EPHX4: variants seen among roughly 807,000 people sequenced by gnomAD.
The protein encoded by EPHX4 is abhydrolase domain containing 7.
Under a neutral mutation model 44.9 loss-of-function variants are expected in EPHX4, and 31 were observed. That is an observed-to-expected ratio of 0.69 (90% CI 0.52 to 0.93). The LOEUF is 0.93. EPHX4 is among the 40% of genes least tolerant of loss of function. The probability of loss-of-function intolerance (pLI) is 0.00; values close to 1 mark genes in which losing one functional copy is unlikely to be tolerated. For synonymous variants in EPHX4, 151 were observed against 159.7 expected (o/e 0.95, Z 0.41); for missense variants, 373 against 438.1 (o/e 0.85, Z 1.33).
chr1:92,056,649 T>C (rs1041034451), intron 6 of EPHX4, among the ~76,000 whole-genome samples: 38 of 151,602 alleles, frequency 2.5e-4, no homozygotes, highest in African/African-American at 6.1e-4. Context: ...TCTTTTCTTT[T>C]TTTTTTTTTT....
intron 2 of EPHX4, among the ~76,000 whole-genome samples, chr1:92,040,586 A>C (rs1482524718): frequency 4.6e-5 from 7 of 152,082 alleles, no homozygotes; most frequent in African/African-American, 1.7e-4. Flanking sequence ...CGGCCTCCCA[A>C]AGTGCTGGCA....
intron 6 of EPHX4, 102 bp downstream of exon 6, chr1:92,052,760 C>T: frequency 1.9e-6 from 2 of 1,046,656 alleles, no homozygotes; most frequent in Non-Finnish European, 2.6e-6. Flanking sequence ...TCCAAAGACT[C>T]AAATAAGGTA....
At chr1:92,034,598 A>G (rs1462312592) in intron 2 of EPHX4, among the ~76,000 whole-genome samples, 1 of 151,336 alleles carries the variant, frequency 6.6e-6, no homozygotes, top group Non-Finnish European at 1.5e-5. Flanking sequence ...CAAAATCCTG[A>G]TTTAAAATGC....
Position 92,045,529 on chromosome 1 carries a change from C to T in EPHX4, c.476-3C>T, listed in dbSNP as rs199721783. The T allele has an allele frequency of 4.2e-5, 67 of 1,613,120 alleles. No homozygotes were observed. In the East Asian group the frequency reaches 9.1e-4, roughly 22 times the overall value. On this transcript the variant is annotated splice_region_variant and splice_polypyrimidine_tract_variant and intron_variant, in intron 3 of 6. Transcript: ENST00000370383. ...GATGTCAACATTTATTTCTTGTTTA[C>T]AGGGTATAGCAAATGTGTTCTTATT...
intron 6 of EPHX4, among the ~76,000 whole-genome samples, chr1:92,053,594 T>C (rs1411758751): frequency 6.6e-6 from 1 of 152,152 alleles, no homozygotes; most frequent in Non-Finnish European, 1.5e-5. Flanking sequence ...CTTTAACAAC[T>C]AGTCTGAAAA....
In EPHX4 at chr1:92,063,072, A is replaced by G. The variant is rs544344614; in HGVS notation, c.875A>G (p.His292Arg). The G allele has an allele frequency of 2.2e-5, 35 of 1,610,504 alleles. No individual in the cohort carries two copies. In the South Asian group the frequency reaches 3.1e-4, roughly 14 times the overall value. Residue 292 changes from histidine to arginine, a missense_variant, in exon 7 of 7, where the codon CAT (histidine) becomes CGT (arginine). Transcript: ENST00000370383. ...RNIFSCLPLK[H>R]HMVTTPTLLL... Reference sequence around the variant, plus strand: ...TTTTATAGCTGCCTGCCTCTCAAACATCACATGGTGACCACTCCAACACTA... The same window carrying G: ...TTTTATAGCTGCCTGCCTCTCAAACGTCACATGGTGACCACTCCAACACTA...
rs150630636 is a variant in EPHX4, at chr1:92,058,398, G to A, written c.858-4657G>A. On this transcript the variant is annotated intron_variant, in intron 6 of 6. Coordinates refer to ENST00000370383, the MANE Select transcript of EPHX4 (RefSeq NM_173567.5). ...GGAGGTTGTGGTGAGCCAAGGTCGC[G>A]CCATTGCACTCCAGCCTGGGGAACA... Among the ~76,000 whole-genome samples the A allele has an allele frequency of 3.1e-3, 464 of 150,110 alleles. 3 individuals are homozygous for A. The highest frequency in any genetic ancestry group is 0.011 in the African/African-American group (450 of 40,700).
At chr1:92,038,052 T>A (rs1688465975) in intron 2 of EPHX4, among the ~76,000 whole-genome samples, 1 of 152,240 alleles carries the variant, frequency 6.6e-6, no homozygotes, top group Admixed American at 6.5e-5. Flanking sequence ...CTTAGTAATT[T>A]ATTAAAAATA....
At chr1:92,062,961 C>T (rs982238953) in intron 6 of EPHX4, 94 bp from the exon 7 acceptor site, 1 of 1,066,772 alleles carries the variant, frequency 9.4e-7, no homozygotes, top group Non-Finnish European at 1.4e-6. Flanking sequence ...CAAGATTGCT[C>T]ACTTCAAGAA....
At chr1:92,054,040 G>T in intron 6 of EPHX4, among the ~76,000 whole-genome samples, 1 of 152,022 alleles carries the variant, frequency 6.6e-6, no homozygotes, top group East Asian at 1.9e-4. Context: ...CTGTACTTAG[G>T]GAAAAAAATG....
intron 3 of EPHX4, among the ~76,000 whole-genome samples, chr1:92,044,473 A>G (rs1422965483): frequency 1.1e-4 from 16 of 152,204 alleles, no homozygotes; most frequent in Non-Finnish European, 2.1e-4. Context: ...TGAAAGAATT[A>G]AGCAATTTTA....
At position 92,030,485 on chromosome 1, in the gene EPHX4, T is replaced by TGTGTGTGTGTGTGTGTGTGTGA. The variant is rs1326928763; in HGVS notation, c.231+176_231+177insTGTGTGTGTGTGTGTGTGTGAG. 2.8e-3 allele frequency among the ~76,000 whole-genome samples: 392 copies of TGTGTGTGTGTGTGTGTGTGTGA among 138,620 alleles called. 1 individual carries two copies. The highest frequency in any genetic ancestry group is 4.2e-3 in the Non-Finnish European group (269 of 63,708). 90.9% of individuals were successfully genotyped at this position (138,620 alleles called of 152,430 possible). ...GTGTGTGTGTGTGTGTGTGTGTGTG[T>TGTGTGTGTGTGTGTGTGTGTGA]GAGAGAGAGAGAGAGAGAGAGAGAT... On this transcript the variant is annotated intron_variant, in intron 1 of 6. Coordinates refer to ENST00000370383, the MANE Select transcript of EPHX4 (RefSeq NM_173567.5).
At position 92,050,302 on chromosome 1, in the gene EPHX4, G is replaced by A. The variant is rs746659911; in HGVS notation, c.605-15G>A. 2.6e-6 allele frequency: 4 copies of A among 1,515,672 alleles called. No individual in the cohort carries two copies. In the South Asian group the frequency reaches 4.7e-5, roughly 18 times the overall value. The allele number at this position is 1,515,672 out of a possible 1,614,324, so 93.9% of individuals were successfully genotyped here. On this transcript the variant is annotated splice_polypyrimidine_tract_variant and intron_variant, in intron 4 of 6. Transcript: ENST00000370383. Reference sequence around the variant, plus strand: ...TACCCCTTGGATAAGGTCTAACATGGCATTTTAATTTCAGAATATATTTTA... The same window carrying A: ...TACCCCTTGGATAAGGTCTAACATGACATTTTAATTTCAGAATATATTTTA...
chr1:92,063,327 T>G lies in EPHX4; in HGVS notation c.*41T>G. 1.5e-6 allele frequency: 2 copies of G among 1,376,592 alleles called. No homozygotes were observed. The highest frequency in any genetic ancestry group is 2.4e-5 in the East Asian group (1 of 40,968). 85.3% of individuals were successfully genotyped at this position (1,376,592 alleles called of 1,614,324 possible). ...TATGAAGGGTCTGTAATGAAATCTCTAAATAATTTTTAAAAATTGTTCATC... is the reference window on the plus strand; with the variant it reads ...TATGAAGGGTCTGTAATGAAATCTCGAAATAATTTTTAAAAATTGTTCATC... On this transcript the variant is annotated 3_prime_UTR_variant, in exon 7 of 7. Coordinates refer to ENST00000370383, the MANE Select transcript of EPHX4 (RefSeq NM_173567.5).
intron 5 of EPHX4, among the ~76,000 whole-genome samples, chr1:92,051,794 T>C (rs1206634132): frequency 6.6e-6 from 1 of 152,234 alleles, no homozygotes; most frequent in Non-Finnish European, 1.5e-5. Context: ...TTAATTTTAG[T>C]ATACATTAGT....
chr1:92,056,308 C>T (rs1490676968), intron 6 of EPHX4, among the ~76,000 whole-genome samples: 1 of 152,116 alleles, frequency 6.6e-6, no homozygotes, highest in East Asian at 1.9e-4. Context: ...CTCCTTGGGA[C>T]TATGTCCTCA....
chr1:92,049,236 C>T (rs761212699), intron 4 of EPHX4, among the ~76,000 whole-genome samples: 1 of 152,118 alleles, frequency 6.6e-6, no homozygotes, highest in Non-Finnish European at 1.5e-5. Context: ...AGCCCAGGAT[C>T]TACTTGCTGT....
intron 5 of EPHX4, among the ~76,000 whole-genome samples, 162 bp downstream of exon 5, chr1:92,050,582 G>A (rs561482527): frequency 4.1e-4 from 63 of 152,164 alleles, no homozygotes; most frequent in African/African-American, 1.4e-3. Context: ...CATAGTCTCT[G>A]TTTATGTATT....
Position 92,045,521 on chromosome 1 carries a change from C to G in EPHX4, c.476-11C>G, listed in dbSNP as rs749749822. On this transcript the variant is annotated splice_polypyrimidine_tract_variant and intron_variant, in intron 3 of 6. Coordinates refer to ENST00000370383, the MANE Select transcript of EPHX4 (RefSeq NM_173567.5). ...TTTTTAATGATGTCAACATTTATTT[C>G]TTGTTTACAGGGTATAGCAAATGTG... 6.2e-7 allele frequency: 1 copy of G among 1,612,734 alleles called. No individual in the cohort carries two copies. Among genetic ancestry groups the G allele is most frequent in the Non-Finnish European group, 8.5e-7 (1 of 1,179,616 alleles).
Sources: allele counts gnomAD v4.1 joint callset (sites outside exome capture counted in the v4.1 genomes callset), GRCh38; gene constraint gnomAD v4.1.1; transcripts MANE v1.5; gene names NCBI Gene and HGNC (gene_info 2026-07-23, HGNC 2026-07-21).